MAL2: variants seen among roughly 807,000 people sequenced by gnomAD.
MAL2 encodes protein MAL2.
MAL2 carries 17 observed loss-of-function variants against 18.1 expected under a neutral mutation model. The ratio of observed to expected loss-of-function variants is 0.94; its 90% CI spans 0.64 to 1.41. The LOEUF (loss-of-function observed/expected upper bound fraction) is 1.41. MAL2 is among the 40% of genes most tolerant of loss of function. MAL2 has a pLI of 0.00. For synonymous variants in MAL2, 102 were observed against 102.3 expected (o/e 1.00, Z 0.02); for missense variants, 222 against 231.9 (o/e 0.96, Z 0.28).
chr8:119,236,831 G>A (rs1408999592), intron 2 of MAL2, among the ~76,000 whole-genome samples: 1 of 151,158 alleles, frequency 6.6e-6, no homozygotes, highest in Non-Finnish European at 1.5e-5. Flanking sequence ...ATGCCCACAA[G>A]AGAAAGCAGG....
chr8:119,212,757 G>A (rs1180375724), intron 1 of MAL2, among the ~76,000 whole-genome samples: 10 of 152,122 alleles, frequency 6.6e-5, no homozygotes, highest in Admixed American at 3.3e-4. Context: ...ACAAGGACAC[G>A]TACAAACACA....
At chr8:119,221,488 GA>G in intron 1 of MAL2, 98 bp from the exon 2 acceptor site, 1 of 1,447,988 alleles carries the variant, frequency 6.9e-7, no homozygotes, top group Non-Finnish European at 9.5e-7. Flanking sequence ...GGTCTGGGAG[GA>G]AAATGAAGGC....
chr8:119,223,993 T>A (rs1488286004), intron 2 of MAL2: 1 of 152,194 alleles, frequency 6.6e-6, no homozygotes, highest in Non-Finnish European at 1.5e-5. Context: ...AAAATAGTTG[T>A]TTTCTCCTGT....
chr8:119,220,270 A>G (rs991549528), intron 1 of MAL2, among the ~76,000 whole-genome samples: 4 of 152,162 alleles, frequency 2.6e-5, no homozygotes, highest in South Asian at 2.1e-4. Context: ...TCAGTTACCA[A>G]CTATTATCAT....
intron 1 of MAL2, among the ~76,000 whole-genome samples, chr8:119,216,088 C>T (rs1272775211): frequency 1.3e-5 from 2 of 151,884 alleles, no homozygotes; most frequent in South Asian, 4.2e-4. Context: ...AAGTAAACAT[C>T]CATTAAAATA....
Position 119,208,656 on chromosome 8 carries a change from G to A in MAL2, c.132+52G>A, listed in dbSNP as rs1246114844. 1.6e-6 allele frequency: 2 copies of A among 1,256,336 alleles called. No homozygotes were observed. The highest frequency in any genetic ancestry group is 6.0e-5 in the South Asian group (2 of 33,278). The allele number at this position is 1,256,336 out of a possible 1,614,324, so 77.8% of individuals were successfully genotyped here. On this transcript the variant is annotated intron_variant, in intron 1 of 3. Transcript: ENST00000614891. The surrounding 1 kb of genome is among the most constrained non-coding windows in gnomAD (Gnocchi z 4.3). ...CGCGCGGGGAGCGAGGACAGGCGGC[G>A]GCATCCTTGTCCCCCGGGCTGTCTT...
At chr8:119,236,674 A>G (rs1439568452) in intron 2 of MAL2, among the ~76,000 whole-genome samples, 4 of 151,112 alleles carry the variant, frequency 2.6e-5, no homozygotes, top group Non-Finnish European at 1.5e-5. Context: ...AAACTGAACA[A>G]CCTGCTCCTG....
At chr8:119,236,077 C>T (rs1817881958) in intron 2 of MAL2, among the ~76,000 whole-genome samples, 1 of 39,714 alleles carries the variant, frequency 2.5e-5, no homozygotes, top group Non-Finnish European at 5.0e-5. Context: ...CACATAGGCT[C>T]AAAATAAAAG....
intron 2 of MAL2, among the ~76,000 whole-genome samples, chr8:119,237,414 G>A (rs2129904289): frequency 6.6e-6 from 1 of 151,724 alleles, no homozygotes; most frequent in South Asian, 2.1e-4. Context: ...TAGAAAAAGA[G>A]GGAATCCTCC....
chr8:119,235,328 G>T (rs925735766), intron 2 of MAL2, among the ~76,000 whole-genome samples: 16 of 152,248 alleles, frequency 1.1e-4, no homozygotes, highest in East Asian at 3.9e-4. Flanking sequence ...GTCTGATTGG[G>T]GTACCTGAAA....
intron 2 of MAL2, among the ~76,000 whole-genome samples, chr8:119,238,947 G>C (rs1587143799): frequency 6.6e-6 from 1 of 151,866 alleles, no homozygotes; most frequent in African/African-American, 2.4e-5. Context: ...AAACTAAAGA[G>C]CTTCTGCACA....
intron 2 of MAL2, among the ~76,000 whole-genome samples, chr8:119,225,937 C>G (rs1587129047): frequency 6.6e-6 from 1 of 152,266 alleles, no homozygotes; most frequent in East Asian, 1.9e-4. Context: ...AGTGTCTGTT[C>G]ATATCCTTCA....
intron 3 of MAL2, among the ~76,000 whole-genome samples, chr8:119,242,635 G>A (rs969194909): frequency 1.3e-5 from 2 of 152,134 alleles, no homozygotes; most frequent in Non-Finnish European, 2.9e-5. Flanking sequence ...AAGAAAAGCA[G>A]AATAGTAAAC....
chr8:119,226,224 C>T (rs1308946225), intron 2 of MAL2, among the ~76,000 whole-genome samples: 12 of 151,994 alleles, frequency 7.9e-5, no homozygotes, highest in Non-Finnish European at 1.6e-4. Flanking sequence ...ATGCCTATGT[C>T]CTGAATGGTA....
At chr8:119,225,096 A>C (rs1817557343) in intron 2 of MAL2, among the ~76,000 whole-genome samples, 1 of 152,132 alleles carries the variant, frequency 6.6e-6, no homozygotes, top group African/African-American at 2.4e-5. Flanking sequence ...GTTTTACTAC[A>C]TAAACTTGCA....
chr8:119,241,688 G>A (rs999619146), intron 3 of MAL2, among the ~76,000 whole-genome samples: 3 of 152,148 alleles, frequency 2.0e-5, no homozygotes, highest in Non-Finnish European at 4.4e-5. Flanking sequence ...AATTTATTGA[G>A]TGCCTGCAAT....
intron 2 of MAL2, among the ~76,000 whole-genome samples, chr8:119,222,524 A>T (rs1001811249): frequency 3.3e-5 from 5 of 151,210 alleles, no homozygotes; most frequent in African/African-American, 1.2e-4. Flanking sequence ...CCATCTCAAA[A>T]AAAAAAAAAA....
At position 119,244,711 on chromosome 8, in the gene MAL2, A is replaced by C. The variant is rs979310198; in HGVS notation, c.*1223A>C. 1 of 152,226 alleles carries C rather than the reference A, an allele frequency of 6.6e-6. No homozygotes were observed. Among genetic ancestry groups the C allele is most frequent in the African/African-American group, 2.4e-5 (1 of 41,456 alleles). 9.4% of individuals were successfully genotyped at this position (152,226 alleles called of 1,614,324 possible). On this transcript the variant is annotated 3_prime_UTR_variant, in exon 4 of 4. Coordinates refer to ENST00000614891, the MANE Select transcript of MAL2 (RefSeq NM_052886.3). ...TTTTTGTATTAGCCCAGACATCTGT[A>C]ATGTTTTTGCACTGGTGACAGACAA...
chr8:119,239,748 C>T (rs1195790338), intron 2 of MAL2, among the ~76,000 whole-genome samples: 1 of 148,862 alleles, frequency 6.7e-6, no homozygotes, highest in Non-Finnish European at 1.5e-5. Context: ...GGAAGGGGAA[C>T]ATCACACTCT....
Sources: gnomAD v4.1 joint callset for allele counts (sites outside exome capture counted in the v4.1 genomes callset) on GRCh38, gnomAD v4.1.1 for gene constraint, Gnocchi (gnomAD v3.1) non-coding constraint, MANE v1.5 for transcripts, NCBI Gene and HGNC (gene_info 2026-07-23, HGNC 2026-07-21) for gene names.